RBFOX1: variants seen among roughly 807,000 people sequenced by gnomAD.
RBFOX1 encodes RNA binding fox-1 homolog 1.
RBFOX1 carries 8 observed loss-of-function variants against 57.7 expected under a neutral mutation model. The ratio of observed to expected loss-of-function variants is 0.14; its 90% CI spans 0.08 to 0.25. RBFOX1 has a LOEUF of 0.25. Among genes scored for constraint, RBFOX1 ranks in the 10% least tolerant of loss-of-function variants. The probability of loss-of-function intolerance (pLI) is 1.00; values close to 1 mark genes in which losing one functional copy is unlikely to be tolerated. For synonymous variants in RBFOX1, 326 were observed against 222.4 expected (o/e 1.47, Z -4.15); for missense variants, 611 against 548.5 (o/e 1.11, Z -1.14).
At chr16:6,054,351 T>TTAGAATTCTG (rs200404180) in intron 1 of RBFOX1, among the ~76,000 whole-genome samples, 3,614 of 152,334 alleles carry the variant, frequency 0.024, 69 homozygotes, top group Non-Finnish European at 0.036. Flanking sequence ...AATTCTGTAA[T>TTAGAATTCTG]TACAGCAGTG....
intron 4 of RBFOX1, among the ~76,000 whole-genome samples, chr16:7,453,446 G>C (rs1041458792): frequency 5.3e-5 from 8 of 152,130 alleles, no homozygotes; most frequent in Non-Finnish European, 1.0e-4. Flanking sequence ...CGGGAGTTAT[G>C]ACTTTATCCT....
chr16:6,884,419 G>C (rs1441782840), intron 3 of RBFOX1, among the ~76,000 whole-genome samples: 6 of 152,112 alleles, frequency 3.9e-5, no homozygotes, highest in Non-Finnish European at 8.8e-5. Context: ...AAAGGAGTGA[G>C]GACAGTAAAG....
intron 4 of RBFOX1, among the ~76,000 whole-genome samples, chr16:7,428,094 C>G (rs964725511): frequency 6.6e-6 from 1 of 152,150 alleles, no homozygotes; most frequent in African/African-American, 2.4e-5. Flanking sequence ...GAGGCCCCAG[C>G]TGCATTTGTC....
intron 4 of RBFOX1, among the ~76,000 whole-genome samples, chr16:7,202,271 C>A (rs897019750): frequency 6.7e-6 from 1 of 149,664 alleles, no homozygotes; most frequent in Non-Finnish European, 1.5e-5. Flanking sequence ...TGAGATACCA[C>A]CTCACACACA....
chr16:6,010,495 A>G (rs1209387049), intron 4 of RBFOX1, among the ~76,000 whole-genome samples: 4 of 151,156 alleles, frequency 2.6e-5, no homozygotes, highest in African/African-American at 2.4e-5. Flanking sequence ...TTACTTCCCC[A>G]CTCCTGGCCA....
At chr16:7,000,597 T>TTTTTTTTTTTTTTTTTTTTTTTTTTC (rs2092700134) in intron 3 of RBFOX1, among the ~76,000 whole-genome samples, 3 of 47,360 alleles carry the variant, frequency 6.3e-5, no homozygotes, top group African/African-American at 2.7e-4. Context: ...TTTTTCTTTC[T>TTTTTTTTTTTTTTTTTTTTTTTTTTC]TTTTTTTTTT....
At chr16:6,370,770 C>G (rs572227772) in intron 2 of RBFOX1, among the ~76,000 whole-genome samples, 3 of 152,090 alleles carry the variant, frequency 2.0e-5, no homozygotes, top group Non-Finnish European at 1.5e-5. Flanking sequence ...AATAGTTGCA[C>G]AAGAATGCAA....
At chr16:6,360,783 C>G (rs1321159286) in intron 2 of RBFOX1, among the ~76,000 whole-genome samples, 1 of 152,148 alleles carries the variant, frequency 6.6e-6, no homozygotes, top group African/African-American at 2.4e-5. Context: ...AGGATGGGGC[C>G]ATGTGCCACA....
At chr16:6,994,499 T>A (rs535940944) in intron 3 of RBFOX1, among the ~76,000 whole-genome samples, 10 of 152,276 alleles carry the variant, frequency 6.6e-5, no homozygotes, top group Non-Finnish European at 4.4e-5. Flanking sequence ...AGTTTTTAGG[T>A]AAACAACAAG....
At chr16:6,830,654 C>G (rs927510545) in intron 3 of RBFOX1, among the ~76,000 whole-genome samples, 1 of 152,144 alleles carries the variant, frequency 6.6e-6, no homozygotes, top group African/African-American at 2.4e-5. Flanking sequence ...ACAGCTCTTA[C>G]ACAAAGACTT....
intron 3 of RBFOX1, among the ~76,000 whole-genome samples, chr16:6,865,986 A>C (rs753748482): frequency 1.3e-5 from 2 of 152,306 alleles, no homozygotes; most frequent in African/African-American, 4.8e-5. Flanking sequence ...TGAAAAAAAC[A>C]ATCGGGGAAA....
chr16:7,697,253 AT>A (rs1471866832), intron 14 of RBFOX1, among the ~76,000 whole-genome samples: 3 of 152,070 alleles, frequency 2.0e-5, no homozygotes, highest in Admixed American at 2.0e-4. Flanking sequence ...TTTAAGCTGT[AT>A]TTTGATGGGA....
chr16:6,119,116 T>C (rs1436796836), intron 1 of RBFOX1, among the ~76,000 whole-genome samples: 1 of 151,854 alleles, frequency 6.6e-6, no homozygotes, highest in Non-Finnish European at 1.5e-5. Flanking sequence ...AGTTTCCACA[T>C]AGGTTTTACA....
chr16:6,858,651 C>G (rs148148059), intron 3 of RBFOX1, among the ~76,000 whole-genome samples: 107 of 152,218 alleles, frequency 7.0e-4, no homozygotes, highest in Admixed American at 2.2e-3. Context: ...AGACATATCA[C>G]TAATCTCTAC....
intron 3 of RBFOX1, among the ~76,000 whole-genome samples, chr16:5,718,386 G>A (rs1190069229): frequency 6.6e-6 from 1 of 152,224 alleles, no homozygotes; most frequent in Non-Finnish European, 1.5e-5. Flanking sequence ...ACATATGTGA[G>A]AATAAATGAG....
intron 4 of RBFOX1, among the ~76,000 whole-genome samples, chr16:7,288,040 T>G (rs938249736): frequency 2.6e-5 from 4 of 152,184 alleles, no homozygotes; most frequent in African/African-American, 9.7e-5. Flanking sequence ...CCTCATGTTC[T>G]GTAGAAGGGA....
intron 11 of RBFOX1, among the ~76,000 whole-genome samples, chr16:7,631,528 A>G (rs1461032349): frequency 1.3e-5 from 2 of 152,174 alleles, no homozygotes; most frequent in Non-Finnish European, 2.9e-5. Context: ...CACAGCTGAA[A>G]CTTTAACATC....
At chr16:5,732,194 A>T (rs2052400178) in intron 3 of RBFOX1, among the ~76,000 whole-genome samples, 1 of 152,264 alleles carries the variant, frequency 6.6e-6, no homozygotes, top group Non-Finnish European at 1.5e-5. Context: ...TGGAGATAAT[A>T]GTTCAATTCA....
chr16:6,946,086 A>G (rs895700846), intron 3 of RBFOX1, among the ~76,000 whole-genome samples: 18 of 152,204 alleles, frequency 1.2e-4, no homozygotes, highest in African/African-American at 9.7e-5. Context: ...GCAACCTTCA[A>G]TGGGTAACTC....
Sources: gnomAD v4.1 joint callset for allele counts (sites outside exome capture counted in the v4.1 genomes callset) on GRCh38, gnomAD v4.1.1 for gene constraint, MANE v1.5 for transcripts, NCBI Gene and HGNC (gene_info 2026-07-23, HGNC 2026-07-21) for gene names.